The following MNAT1 variants were observed in gnomAD, a reference collection of about 807,000 sequenced individuals.
MNAT1 encodes CDK-activating kinase assembly factor MAT1.
In MNAT1, 43 loss-of-function variants were observed where a neutral mutation model predicts 42.0. That is an observed-to-expected ratio of 1.02 (90% CI 0.80 to 1.32). MNAT1 has a LOEUF of 1.32. Ranked by LOEUF, MNAT1 falls within the 40% of genes most tolerant of loss-of-function variation. The probability of loss-of-function intolerance (pLI) is 0.00; values close to 1 mark genes in which losing one functional copy is unlikely to be tolerated. For synonymous variants in MNAT1, 118 were observed against 120.0 expected (o/e 0.98, Z 0.11); for missense variants, 306 against 350.4 (o/e 0.87, Z 1.01).
intron 1 of MNAT1, among the ~76,000 whole-genome samples, chr14:60,794,648 A>ATATATAT (rs1453405051): frequency 3.4e-5 from 3 of 88,182 alleles, no homozygotes; most frequent in African/African-American, 1.3e-4. Context: ...AAAAAAAAAA[A>ATATATAT]AAAAAAAAAA....
At chr14:60,871,261 C>G (rs529005041) in intron 6 of MNAT1, among the ~76,000 whole-genome samples, 163 of 152,208 alleles carry the variant, frequency 1.1e-3, no homozygotes, top group Non-Finnish European at 2.0e-3. Flanking sequence ...ATGTACAAGT[C>G]TTTGTGTGGT....
At chr14:60,963,631 A>T (rs183369484) in intron 7 of MNAT1, among the ~76,000 whole-genome samples, 2,985 of 152,276 alleles carry the variant, frequency 0.02, 52 homozygotes, top group South Asian at 0.068. Context: ...AATGGCAGTT[A>T]GATTTGAATT....
chr14:60,839,680 T>A (rs1302976020), intron 6 of MNAT1, among the ~76,000 whole-genome samples: 1 of 152,108 alleles, frequency 6.6e-6, no homozygotes, highest in Non-Finnish European at 1.5e-5. Flanking sequence ...GGCTCTGTGG[T>A]TTCTGTTATC....
chr14:60,750,971 A>G (rs2030066117), intron 1 of MNAT1, among the ~76,000 whole-genome samples: 1 of 152,232 alleles, frequency 6.6e-6, no homozygotes, highest in Non-Finnish European at 1.5e-5. Context: ...GTGCAAAAGT[A>G]CAGCTTACAA....
At chr14:60,876,416 G>T (rs757592537) in intron 6 of MNAT1, among the ~76,000 whole-genome samples, 6 of 151,944 alleles carry the variant, frequency 3.9e-5, no homozygotes, top group South Asian at 4.1e-4. Flanking sequence ...TAAAAAAATT[G>T]TGGTAAAATA....
At chr14:60,830,583 T>C in intron 6 of MNAT1, among the ~76,000 whole-genome samples, 1 of 152,172 alleles carries the variant, frequency 6.6e-6, no homozygotes, top group East Asian at 1.9e-4. Flanking sequence ...CTGCGATGAT[T>C]TTTAATGTAA....
rs4151297 is a variant in MNAT1 at position 60,880,100 on chromosome 14, A to G, written c.809+265A>G. 10 of 232,000 alleles carry G rather than the reference A, an allele frequency of 4.3e-5. No homozygotes were observed. In the East Asian group the frequency reaches 8.9e-4, roughly 21 times the overall value. The allele number at this position is 232,000 out of a possible 1,614,324, so 14.4% of individuals were successfully genotyped here. The stretch of plus-strand genomic sequence containing the variant: ...CCATATTGAAATGGCGTTTATTTTC[A>G]GTCATGAGTGTTTTTTTCTTTTTTA... On this transcript the variant is annotated intron_variant, in intron 7 of 7. Transcript: ENST00000261245.
intron 1 of MNAT1, among the ~76,000 whole-genome samples, chr14:60,747,044 G>T (rs182038124): frequency 7.0e-6 from 1 of 143,878 alleles, no homozygotes; most frequent in South Asian, 2.2e-4. Flanking sequence ...GGAGTACAGT[G>T]GTGCGATCTC....
Position 60,808,348 on chromosome 14 carries a change from G to T in MNAT1, c.340G>T (p.Asp114Tyr), listed in dbSNP as rs757485123. ...EIVFNLTNNV[D>Y]LDNTKKKMEI... is the part of the protein sequence containing the mutation. ...AGTTTTCAACTTGACCAACAATGTG[G>T]ATTTGGACAACACCAAAAAGAAAAT... The change falls in exon 4 of 8, where the codon GAT (aspartate) becomes TAT (tyrosine). Residue 114 changes from aspartate (D) to tyrosine (Y), a missense_variant. Physicochemically the swap from Asp to Tyr is radical, Grantham distance 160. This residue lies in a region of MNAT1 where 118 missense variants were observed against 99.8 expected (regional missense o/e 1.18). Transcript: ENST00000261245. 8.2e-6 allele frequency: 13 copies of T among 1,578,844 alleles called. No homozygotes were observed. The East Asian group carries it at 1.4e-4, about 17-fold the overall frequency.
intron 1 of MNAT1, among the ~76,000 whole-genome samples, chr14:60,775,439 T>C (rs1479665760): frequency 2.0e-5 from 3 of 152,120 alleles, no homozygotes; most frequent in Non-Finnish European, 4.4e-5. Context: ...TTGCTGTGAA[T>C]GGGAATGGGG....
At chr14:60,927,567 G>T (rs1228161613) in intron 7 of MNAT1, among the ~76,000 whole-genome samples, 1 of 152,124 alleles carries the variant, frequency 6.6e-6, no homozygotes, top group Non-Finnish European at 1.5e-5. Context: ...AATACTCTGT[G>T]GTTGTCATCT....
intron 1 of MNAT1, among the ~76,000 whole-genome samples, chr14:60,786,294 G>A (rs1392518024): frequency 1.0e-5 from 1 of 98,830 alleles, no homozygotes; most frequent in Non-Finnish European, 2.1e-5. Context: ...AGTAACAGTG[G>A]AAAATTTAAA....
chr14:60,817,106 C>T (rs906437139), intron 5 of MNAT1, among the ~76,000 whole-genome samples: 1 of 151,788 alleles, frequency 6.6e-6, no homozygotes, highest in African/African-American at 2.4e-5. Flanking sequence ...AAAAGCAATA[C>T]TTTTAACTTT....
intron 7 of MNAT1, among the ~76,000 whole-genome samples, chr14:60,884,944 A>G (rs1398984981): frequency 1.3e-5 from 2 of 152,064 alleles, no homozygotes; most frequent in East Asian, 1.9e-4. Context: ...TTTCTCCTTC[A>G]TGTTTGCAGA....
intron 1 of MNAT1, among the ~76,000 whole-genome samples, chr14:60,764,245 A>C (rs993430238): frequency 2.0e-5 from 3 of 152,224 alleles, no homozygotes; most frequent in Non-Finnish European, 4.4e-5. Flanking sequence ...TTCTGCAATA[A>C]TGTTGAAGCT....
At chr14:60,816,021 T>G (rs1160873179) in intron 5 of MNAT1, among the ~76,000 whole-genome samples, 2 of 152,186 alleles carry the variant, frequency 1.3e-5, no homozygotes, top group Non-Finnish European at 2.9e-5. Context: ...TCTGTATATG[T>G]TCATGTGTGA....
At chr14:60,865,720 C>T (rs190995889) in intron 6 of MNAT1, among the ~76,000 whole-genome samples, 68 of 152,192 alleles carry the variant, frequency 4.5e-4, no homozygotes, top group African/African-American at 1.6e-3. Flanking sequence ...CAAAAACAAA[C>T]AAAATAAACA....
chr14:60,957,852 T>C (rs565372528), intron 7 of MNAT1, among the ~76,000 whole-genome samples: 1 of 152,130 alleles, frequency 6.6e-6, no homozygotes, highest in African/African-American at 2.4e-5. Flanking sequence ...TGTTTTTTTT[T>C]TGGGGATGGC....
intron 1 of MNAT1, among the ~76,000 whole-genome samples, chr14:60,784,399 G>A (rs1241526042): frequency 6.6e-6 from 1 of 150,680 alleles, no homozygotes; most frequent in Non-Finnish European, 1.5e-5. Flanking sequence ...GGCTGGTCTT[G>A]AACCCCTGGA....
Sources: allele counts gnomAD v4.1 joint callset (sites outside exome capture counted in the v4.1 genomes callset), GRCh38; gene constraint gnomAD v4.1.1; regional missense constraint gnomAD v4.1.1; transcripts MANE v1.5; gene names NCBI Gene and HGNC (gene_info 2026-07-23, HGNC 2026-07-21).